AGPAT5: variants seen among roughly 807,000 people sequenced by gnomAD.
The protein encoded by AGPAT5 is 1-acyl-sn-glycerol-3-phosphate acyltransferase epsilon.
A neutral mutation model predicts 45.6 loss-of-function variants in AGPAT5; 46 were observed. The observed-to-expected ratio is 1.01, with a 90% CI of 0.80 to 1.29. The LOEUF (loss-of-function observed/expected upper bound fraction) is 1.29, where lower values mean the gene tolerates loss of function less well. Ranked by LOEUF, AGPAT5 falls within the 50% of genes most tolerant of loss-of-function variation. The pLI, the probability that AGPAT5 is intolerant of heterozygous loss-of-function variation, is 0.00. For synonymous variants in AGPAT5, 272 were observed against 167.0 expected (o/e 1.63, Z -4.85); for missense variants, 673 against 450.7 (o/e 1.49, Z -4.47).
In AGPAT5 at chr8:6,757,325, G is replaced by C. The variant is rs148262606; in HGVS notation, c.1032G>C (p.Leu344=). Residue 344 remains leucine, a synonymous_variant, in exon 8 of 8, where the codon CTG becomes CTC. Transcript: ENST00000285518. ...GMLMTDAGRK[L]YVNTWIYGTL... Reference sequence around the variant, plus strand: ...TTATGACCGATGCTGGAAGGAAGCTGTATGTGAACACCTGGATATATGGAA... The same window carrying C: ...TTATGACCGATGCTGGAAGGAAGCTCTATGTGAACACCTGGATATATGGAA... 158 of 1,614,226 alleles carry C rather than the reference G, an allele frequency of 9.8e-5. No individual in the cohort carries two copies. In the African/African-American group the frequency reaches 2.0e-3, roughly 20 times the overall value.
intron 6 of AGPAT5, among the ~76,000 whole-genome samples, chr8:6,751,150 T>C (rs1801643756): frequency 6.6e-6 from 1 of 152,214 alleles, no homozygotes. Context: ...CTTTAAATTA[T>C]ATGACATCTG....
chr8:6,740,854 C>T (rs1023595202), intron 4 of AGPAT5, among the ~76,000 whole-genome samples: 1 of 152,042 alleles, frequency 6.6e-6, no homozygotes, highest in African/African-American at 2.4e-5. Context: ...GTCTTGTTTC[C>T]TGTATTCTGT....
At chr8:6,725,319 G>A (rs1800649628) in intron 2 of AGPAT5, among the ~76,000 whole-genome samples, 2 of 152,184 alleles carry the variant, frequency 1.3e-5, no homozygotes, top group South Asian at 4.1e-4. Context: ...CAGAAAAGCT[G>A]TATTGGTATG....
At chr8:6,747,031 C>G (rs1341781185) in intron 5 of AGPAT5, among the ~76,000 whole-genome samples, 3 of 152,172 alleles carry the variant, frequency 2.0e-5, no homozygotes, top group African/African-American at 7.2e-5. Context: ...TATGTTCATA[C>G]AAAAGCTTGT....
intron 6 of AGPAT5, among the ~76,000 whole-genome samples, chr8:6,754,633 G>A (rs1801771109): frequency 6.6e-6 from 1 of 152,170 alleles, no homozygotes; most frequent in South Asian, 2.1e-4. Flanking sequence ...GGAGGCAGCA[G>A]TCACCATGGT....
chr8:6,708,912 C>A, intron 1 of AGPAT5, 25 bp downstream of exon 1: 1 of 1,586,340 alleles, frequency 6.3e-7, no homozygotes, highest in South Asian at 1.1e-5. Flanking sequence ...GCTCCCGGGT[C>A]TCGGCGTCCA....
chr8:6,750,809 A>G (rs1801632969), intron 6 of AGPAT5, among the ~76,000 whole-genome samples: 1 of 151,906 alleles, frequency 6.6e-6, no homozygotes, highest in Non-Finnish European at 1.5e-5. Flanking sequence ...ATTATCAGGC[A>G]TTTTTATACT....
At chr8:6,714,128 T>A (rs1199025218) in intron 1 of AGPAT5, among the ~76,000 whole-genome samples, 1 of 152,212 alleles carries the variant, frequency 6.6e-6, no homozygotes, top group Non-Finnish European at 1.5e-5. Context: ...TTGCCCAGCG[T>A]CGTCTCTGAT....
At chr8:6,731,008 G>A (rs1049813317) in intron 3 of AGPAT5, among the ~76,000 whole-genome samples, 182 bp downstream of exon 3, 13 of 151,290 alleles carry the variant, frequency 8.6e-5, no homozygotes, top group African/African-American at 2.9e-4. Context: ...AGTTGGGACC[G>A]TAGGTGCCCA....
intron 5 of AGPAT5, among the ~76,000 whole-genome samples, chr8:6,743,343 ACTCTGGACCC>A (rs1801301090): frequency 6.6e-6 from 1 of 152,188 alleles, no homozygotes; most frequent in East Asian, 1.9e-4. Context: ...TCTCTGCCTA[ACTCTGGACCC>A]ATTTGTACAA....
intron 1 of AGPAT5, among the ~76,000 whole-genome samples, chr8:6,718,903 A>C (rs755089929): frequency 2.0e-5 from 3 of 152,232 alleles, no homozygotes; most frequent in Non-Finnish European, 4.4e-5. Flanking sequence ...ACCTAAACAC[A>C]GCAAGTACCT....
At chr8:6,715,779 GTAAAGTAACTCTT>G (rs1316575763) in intron 1 of AGPAT5, among the ~76,000 whole-genome samples, 2 of 152,208 alleles carry the variant, frequency 1.3e-5, no homozygotes, top group Admixed American at 6.5e-5. Context: ...CCATACAGAG[GTAAAGTAACTCTT>G]TAAAGTAACT....
intron 6 of AGPAT5, among the ~76,000 whole-genome samples, chr8:6,751,996 G>A (rs908399051): frequency 1.3e-5 from 2 of 151,864 alleles, no homozygotes; most frequent in African/African-American, 4.8e-5. Flanking sequence ...GACCAACACG[G>A]TGAAATCCCA....
At chr8:6,731,668 A>T (rs1010348129) in intron 3 of AGPAT5, among the ~76,000 whole-genome samples, 3 of 152,192 alleles carry the variant, frequency 2.0e-5, no homozygotes, top group Non-Finnish European at 4.4e-5. Context: ...TCAAACAAAT[A>T]GGAAATTTAA....
At chr8:6,710,283 C>T (rs1464671660) in intron 1 of AGPAT5, among the ~76,000 whole-genome samples, 1 of 152,056 alleles carries the variant, frequency 6.6e-6, no homozygotes, top group East Asian at 1.9e-4. Context: ...AATTGCATAC[C>T]TTACCTGATG....
At chr8:6,751,656 A>T (rs1046489886) in intron 6 of AGPAT5, among the ~76,000 whole-genome samples, 3 of 152,178 alleles carry the variant, frequency 2.0e-5, no homozygotes, top group African/African-American at 4.8e-5. Context: ...TGCTTCTTGT[A>T]ATCATGGAAG....
chr8:6,735,560 C>G (rs1454155274), intron 4 of AGPAT5, among the ~76,000 whole-genome samples: 1 of 152,194 alleles, frequency 6.6e-6, no homozygotes, highest in Non-Finnish European at 1.5e-5. Context: ...ACTAAACAAC[C>G]ACTTGCATCT....
Position 6,714,761 on chromosome 8 carries a change from A to G in AGPAT5, c.219+5874A>G, listed in dbSNP as rs6997674. On this transcript the variant is annotated intron_variant, in intron 1 of 7. Coordinates refer to ENST00000285518, the MANE Select transcript of AGPAT5 (RefSeq NM_018361.5). ...TGAACTTCTTACAGATCAGTTTTTT[A>G]GTACAGTAGCACGAAATATACCTGC... Among the ~76,000 whole-genome samples, 270 of 152,318 alleles carry G rather than the reference A, an allele frequency of 1.8e-3. 1 individual carries two copies. The highest frequency in any genetic ancestry group is 6.3e-3 in the African/African-American group (261 of 41,562).
intron 6 of AGPAT5, among the ~76,000 whole-genome samples, chr8:6,754,746 G>A (rs1275403811): frequency 6.6e-6 from 1 of 152,046 alleles, no homozygotes; most frequent in East Asian, 1.9e-4. Context: ...CCTATTCCTG[G>A]GCTGTCTATA....
Sources: allele counts gnomAD v4.1 joint callset (sites outside exome capture counted in the v4.1 genomes callset), GRCh38; gene constraint gnomAD v4.1.1; transcripts MANE v1.5; gene names NCBI Gene and HGNC (gene_info 2026-07-23, HGNC 2026-07-21).